Variants in ARHGEF28 observed in about 807,000 individuals in gnomAD.
ARHGEF28 encodes the protein Rho guanine nucleotide exchange factor 28.
A neutral mutation model predicts 206.6 loss-of-function variants in ARHGEF28; 152 were observed. The ratio of observed to expected loss-of-function variants is 0.74; its 90% CI spans 0.64 to 0.84. The LOEUF is 0.84. Ranked by LOEUF, ARHGEF28 falls within the 40% of genes least tolerant of loss-of-function variation. The pLI is 0.00. For missense variants in ARHGEF28, 2,028 were observed against 2,073.2 expected, an observed-to-expected ratio of 0.98 and a Z score of 0.42; for synonymous variants, 763 against 776.4, an observed-to-expected ratio of 0.98 and a Z score of 0.29.
At chr5:73,733,988 A>G (rs1191897875) in intron 2 of ARHGEF28, among the ~76,000 whole-genome samples, 1 of 152,102 alleles carries the variant, frequency 6.6e-6, no homozygotes, top group East Asian at 1.9e-4. Flanking sequence ...ACTTTTAAAT[A>G]AGATTTTGCA....
chr5:73,878,561 A>G (rs939471156), intron 22 of ARHGEF28, among the ~76,000 whole-genome samples: 4 of 150,944 alleles, frequency 2.6e-5, no homozygotes, highest in Non-Finnish European at 4.4e-5. Context: ...AGCGGCTGGT[A>G]CCGGTTGTTC....
chr5:73,892,145 G>C lies in ARHGEF28; in HGVS notation c.3481G>C (p.Ala1161Pro). ...RGMFLISASS[A>P]GPEMYEIHTN... is the part of the protein sequence containing the mutation. ...AATGTTTCTGATCAGTGCTTCATCT[G>C]CTGGTCCTGAGATGTATGAAATTCA... The change falls in exon 27 of 36, where the codon GCT (alanine) becomes CCT (proline). Residue 1161 changes from alanine to proline, a missense_variant. Transcript: ENST00000513042. 6.3e-7 allele frequency: 1 copy of C among 1,587,666 alleles called. No individual in the cohort carries two copies. Among genetic ancestry groups the C allele is most frequent in the South Asian group, 1.2e-5 (1 of 86,764 alleles).
chr5:73,857,819 CATTTT>C, intron 15 of ARHGEF28, 40 bp downstream of exon 15: 1 of 1,576,420 alleles, frequency 6.3e-7, no homozygotes, highest in Non-Finnish European at 8.6e-7. Flanking sequence ...AAAATATAGA[CATTTT>C]AGTTTCTCAG....
intron 2 of ARHGEF28, among the ~76,000 whole-genome samples, chr5:73,731,045 A>G (rs1750596660): frequency 6.6e-6 from 1 of 151,288 alleles, no homozygotes; most frequent in South Asian, 2.1e-4. Flanking sequence ...CTTATGCAGA[A>G]AAGTAGAAAA....
At chr5:73,631,905 C>T (rs1311126911) in intron 1 of ARHGEF28, among the ~76,000 whole-genome samples, 1 of 152,180 alleles carries the variant, frequency 6.6e-6, no homozygotes, top group Admixed American at 6.5e-5. Flanking sequence ...AGCAACTGTG[C>T]TGCTTTCCCT....
At chr5:73,667,158 A>G (rs1179903506) in intron 1 of ARHGEF28, among the ~76,000 whole-genome samples, 1 of 150,648 alleles carries the variant, frequency 6.6e-6, no homozygotes, top group Admixed American at 6.6e-5. Flanking sequence ...TTAGCGAGGG[A>G]GTGGGTGTTA....
chr5:73,907,936 TG>T (rs1188081854), intron 33 of ARHGEF28, among the ~76,000 whole-genome samples: 1 of 152,188 alleles, frequency 6.6e-6, no homozygotes, highest in Non-Finnish European at 1.5e-5. Context: ...ATATAAAGTA[TG>T]GGATTTTTGT....
intron 1 of ARHGEF28, among the ~76,000 whole-genome samples, chr5:73,635,739 T>A (rs1743672088): frequency 6.6e-6 from 1 of 152,216 alleles, no homozygotes. Flanking sequence ...CTTTGCAACT[T>A]GTCAAAAACT....
At chr5:73,655,072 A>G (rs17633565) in intron 1 of ARHGEF28, among the ~76,000 whole-genome samples, 29,165 of 152,282 alleles carry the variant, frequency 0.19, 3,135 homozygotes, top group Non-Finnish European at 0.24. Flanking sequence ...ATTCACTTCA[A>G]TGTTAATTGT....
intron 21 of ARHGEF28, among the ~76,000 whole-genome samples, chr5:73,872,080 C>T (rs1760139368): frequency 1.3e-5 from 2 of 152,158 alleles, no homozygotes; most frequent in East Asian, 3.8e-4. Context: ...TTTTCCAAAG[C>T]AGCTATACCA....
chr5:73,868,962 A>G (rs1759891399), intron 20 of ARHGEF28, among the ~76,000 whole-genome samples: 4 of 152,150 alleles, frequency 2.6e-5, no homozygotes, highest in Admixed American at 1.3e-4. Context: ...AGCATTTTTT[A>G]AAGCATATTT....
At chr5:73,689,663 G>C (rs561861760) in intron 2 of ARHGEF28, among the ~76,000 whole-genome samples, 1 of 152,136 alleles carries the variant, frequency 6.6e-6, no homozygotes, top group Non-Finnish European at 1.5e-5. Context: ...ATATATATGA[G>C]CATTGCAAAT....
intron 27 of ARHGEF28, 116 bp downstream of exon 27, chr5:73,892,346 C>A: frequency 8.7e-7 from 1 of 1,148,600 alleles, no homozygotes; most frequent in Non-Finnish European, 1.2e-6. Flanking sequence ...CTGCCCCCTG[C>A]CCCCTGCACC....
intron 9 of ARHGEF28, among the ~76,000 whole-genome samples, chr5:73,815,822 G>A (rs1756168597): frequency 6.6e-6 from 1 of 152,226 alleles, no homozygotes; most frequent in African/African-American, 2.4e-5. Flanking sequence ...TCAAGTGAAA[G>A]CAGGTACCTG....
chr5:73,661,704 A>G (rs1745608969), intron 1 of ARHGEF28, among the ~76,000 whole-genome samples: 3 of 152,040 alleles, frequency 2.0e-5, no homozygotes. Flanking sequence ...AGAGGCAGAG[A>G]AGAGGGAATG....
chr5:73,769,144 T>C (rs1397627371), intron 4 of ARHGEF28, among the ~76,000 whole-genome samples: 4 of 152,152 alleles, frequency 2.6e-5, no homozygotes. Flanking sequence ...AATGGACTAA[T>C]ACACACACAA....
intron 4 of ARHGEF28, among the ~76,000 whole-genome samples, chr5:73,754,430 A>G (rs1273764931): frequency 6.6e-6 from 1 of 151,998 alleles, no homozygotes; most frequent in African/African-American, 2.4e-5. Flanking sequence ...TGTGGTGGCT[A>G]ATTGATACGT....
chr5:73,825,802 T>C (rs1027528386), intron 9 of ARHGEF28, among the ~76,000 whole-genome samples: 3 of 151,930 alleles, frequency 2.0e-5, no homozygotes, highest in African/African-American at 7.3e-5. Context: ...AGCTGGGTGT[T>C]GGGGTGGGAA....
chr5:73,707,073 G>A (rs1748982914), intron 2 of ARHGEF28, among the ~76,000 whole-genome samples: 1 of 152,140 alleles, frequency 6.6e-6, no homozygotes, highest in African/African-American at 2.4e-5. Flanking sequence ...GTCCATCTGA[G>A]TCTGACCTCC....
Sources: gnomAD v4.1 joint callset for allele counts (sites outside exome capture counted in the v4.1 genomes callset) on GRCh38, gnomAD v4.1.1 for gene constraint, MANE v1.5 for transcripts, NCBI Gene and HGNC (gene_info 2026-07-23, HGNC 2026-07-21) for gene names.